The following GABBR2 variants were observed in gnomAD, a reference collection of about 807,000 sequenced individuals.
The protein encoded by GABBR2 is gamma-aminobutyric acid type B receptor subunit 2, also known as G-protein coupled receptor 51.
GABBR2 carries 23 observed loss-of-function variants against 105.6 expected under a neutral mutation model. The observed-to-expected ratio is 0.22, with a 90% CI of 0.16 to 0.31. GABBR2 has a LOEUF of 0.31. GABBR2 is among the 10% of genes least tolerant of loss of function. The pLI is 1.00. For missense variants in GABBR2, 734 were observed against 1,245.5 expected (o/e 0.59, Z 6.18); for synonymous variants, 478 against 499.7 (o/e 0.96, Z 0.58).
intron 1 of GABBR2, chr9:98,707,289 C>G (rs1390225101): frequency 2.6e-5 from 4 of 152,464 alleles, no homozygotes; most frequent in Non-Finnish European, 5.9e-5. Flanking sequence ...AAGCCAGGAT[C>G]AAGCCCAGCG....
chr9:98,337,319 T>A (rs1186601404), intron 13 of GABBR2, among the ~76,000 whole-genome samples: 1 of 151,764 alleles, frequency 6.6e-6, no homozygotes, highest in Admixed American at 6.6e-5. Context: ...GAAAAAAAAA[T>A]TGCTGAAAGA....
intron 13 of GABBR2, among the ~76,000 whole-genome samples, chr9:98,316,184 T>C (rs1023276018): frequency 6.0e-5 from 9 of 151,114 alleles, no homozygotes; most frequent in African/African-American, 2.2e-4. Context: ...AGAGTTTCAC[T>C]CTTGTTGCCC....
At chr9:98,708,040 C>G (rs1830923471) in intron 1 of GABBR2, among the ~76,000 whole-genome samples, 1 of 152,238 alleles carries the variant, frequency 6.6e-6, no homozygotes. Context: ...GTTCCTCCCA[C>G]TCGGTACCTC....
chr9:98,367,668 T>C (rs1345128443), intron 12 of GABBR2, among the ~76,000 whole-genome samples: 3 of 152,188 alleles, frequency 2.0e-5, no homozygotes, highest in African/African-American at 7.2e-5. Context: ...TATTCCAGTA[T>C]GAGAAACTCT....
intron 1 of GABBR2, among the ~76,000 whole-genome samples, chr9:98,692,656 C>T (rs1375432036): frequency 6.6e-6 from 1 of 152,252 alleles, no homozygotes; most frequent in Admixed American, 6.5e-5. Context: ...GGGCACTGGG[C>T]TCAGAGTCGG....
At chr9:98,378,389 C>T (rs565049477) in intron 11 of GABBR2, among the ~76,000 whole-genome samples, 8 of 152,182 alleles carry the variant, frequency 5.3e-5, no homozygotes, top group Non-Finnish European at 7.3e-5. Flanking sequence ...CCCTGCTTCC[C>T]GAGGTTCGAG....
At chr9:98,484,576 C>T (rs973065396) in intron 4 of GABBR2, among the ~76,000 whole-genome samples, 4 of 151,868 alleles carry the variant, frequency 2.6e-5, no homozygotes, top group African/African-American at 4.8e-5. Flanking sequence ...GGGGATGAGG[C>T]TGGATGGGGA....
intron 2 of GABBR2, among the ~76,000 whole-genome samples, chr9:98,573,350 A>C (rs901164113): frequency 1.3e-4 from 20 of 152,226 alleles, no homozygotes; most frequent in African/African-American, 4.6e-4. Context: ...TGGCATGATC[A>C]TAGCTCACTA....
At chr9:98,458,490 A>G (rs929857969) in intron 6 of GABBR2, among the ~76,000 whole-genome samples, 5 of 152,176 alleles carry the variant, frequency 3.3e-5, no homozygotes, top group African/African-American at 1.2e-4. Context: ...GATCACCTGA[A>G]GTCAGGAGTT....
At chr9:98,497,687 T>C (rs966929542) in intron 3 of GABBR2, among the ~76,000 whole-genome samples, 1 of 152,226 alleles carries the variant, frequency 6.6e-6, no homozygotes, top group Non-Finnish European at 1.5e-5. Context: ...AAAGCACTTC[T>C]TGTTCACACC....
intron 1 of GABBR2, among the ~76,000 whole-genome samples, chr9:98,700,332 A>G (rs1830813803): frequency 6.6e-6 from 1 of 152,200 alleles, no homozygotes; most frequent in Non-Finnish European, 1.5e-5. Context: ...GCTAATGGTC[A>G]TCAGCTGCAA....
Position 98,349,344 on chromosome 9 carries a change from GTTTTGT to G in GABBR2, c.1893+13365_1893+13370del, listed in dbSNP as rs1263106782. 9.6e-4 allele frequency among the ~76,000 whole-genome samples: 101 copies of G among 105,466 alleles called. 14 individuals carry two copies. The highest frequency in any genetic ancestry group is 3.7e-3 in the African/African-American group (93 of 24,918). The allele number at this position is 105,466 out of a possible 152,430, so 69.2% of individuals were successfully genotyped here. A position where few individuals can be genotyped will look rare whatever the true frequency, so the allele number is the denominator to read the frequency against. On this transcript the variant is annotated intron_variant, in intron 13 of 18. Transcript: ENST00000259455. ...TTTGGTTTGCCAATATTTTGTTGAA[GTTTTGT>G]TTTTTTTTTTTTTTTTTTTTTTTTT...
At chr9:98,492,431 A>AC (rs1827197720) in intron 4 of GABBR2, among the ~76,000 whole-genome samples, 3 of 149,894 alleles carry the variant, frequency 2.0e-5, no homozygotes, top group South Asian at 4.2e-4. Flanking sequence ...TTCCCATACA[A>AC]CCCCTCATCC....
chr9:98,504,278 C>T (rs536948490), intron 3 of GABBR2, among the ~76,000 whole-genome samples: 4 of 152,330 alleles, frequency 2.6e-5, no homozygotes, highest in African/African-American at 9.6e-5. Flanking sequence ...TAGCAACTTG[C>T]TACTGCATTC....
At chr9:98,707,392 G>C (rs571712221) in intron 1 of GABBR2, 1 of 152,396 alleles carries the variant, frequency 6.6e-6, no homozygotes, top group East Asian at 1.9e-4. Flanking sequence ...CAGACGCTGC[G>C]GTCGGAGCAC....
chr9:98,648,459 A>G (rs1260260442), intron 1 of GABBR2, among the ~76,000 whole-genome samples: 1 of 151,992 alleles, frequency 6.6e-6, no homozygotes, highest in Non-Finnish European at 1.5e-5. Context: ...CTACCACCCA[A>G]CGGCATTTAA....
intron 1 of GABBR2, among the ~76,000 whole-genome samples, chr9:98,634,289 A>T (rs1829851723): frequency 6.6e-6 from 1 of 152,200 alleles, no homozygotes; most frequent in Non-Finnish European, 1.5e-5. Flanking sequence ...GTAATTTTTA[A>T]ATTCTATTTG....
At chr9:98,697,904 C>T (rs1456391258) in intron 1 of GABBR2, among the ~76,000 whole-genome samples, 1 of 152,216 alleles carries the variant, frequency 6.6e-6, no homozygotes. Flanking sequence ...ATGCGGGTCC[C>T]CATCTGCCAC....
intron 1 of GABBR2, among the ~76,000 whole-genome samples, chr9:98,618,352 G>A (rs372088868): frequency 3.3e-5 from 5 of 152,148 alleles, no homozygotes; most frequent in South Asian, 2.1e-4. Context: ...GTTTGTGCGC[G>A]GTATTTAATT....
Sources: gnomAD v4.1 joint callset for allele counts (sites outside exome capture counted in the v4.1 genomes callset) on GRCh38, gnomAD v4.1.1 for gene constraint, MANE v1.5 for transcripts, NCBI Gene and HGNC (gene_info 2026-07-23, HGNC 2026-07-21) for gene names.